Variants in LAPTM4B observed in about 807,000 individuals in gnomAD.
LAPTM4B encodes the protein lysosomal-associated transmembrane protein 4B.
A neutral mutation model predicts 28.5 loss-of-function variants in LAPTM4B; 26 were observed. That is an observed-to-expected ratio of 0.91 (90% CI 0.67 to 1.27). LAPTM4B has a LOEUF of 1.27. LAPTM4B is among the 50% of genes most tolerant of loss of function. The pLI is 0.00. For missense variants in LAPTM4B, 288 were observed against 285.8 expected (o/e 1.01, Z -0.06); for synonymous variants, 109 against 106.4 (o/e 1.02, Z -0.15).
chr8:97,809,975 G>A (rs1414112643), intron 2 of LAPTM4B, among the ~76,000 whole-genome samples: 2 of 152,126 alleles, frequency 1.3e-5, no homozygotes, highest in Non-Finnish European at 2.9e-5. Context: ...CACCAGGCTG[G>A]AGTGCAGTGT....
In LAPTM4B at chr8:97,787,759, G is replaced by T. The variant is rs371847786; in HGVS notation, c.99+11651G>T. Reference sequence around the variant, plus strand: ...AATTAATGTTTGTTTAGAATTACCCGCATGTTTGCATCCCTCTTTCTCCAT... The same window carrying T: ...AATTAATGTTTGTTTAGAATTACCCTCATGTTTGCATCCCTCTTTCTCCAT... On this transcript the variant is annotated intron_variant, in intron 1 of 6. Transcript: ENST00000521545. Among the ~76,000 whole-genome samples, 11 of 151,934 alleles carry T rather than the reference G, an allele frequency of 7.2e-5. 1 individual carries two copies. Among genetic ancestry groups the T allele is most frequent in the South Asian group, 4.2e-4 (2 of 4,756 alleles).
chr8:97,776,047 A>G lies in LAPTM4B; in HGVS notation c.38A>G (p.Asn13Ser), dbSNP rs374973028. 5.4e-4 allele frequency: 860 copies of G among 1,587,682 alleles called. No individual in the cohort carries two copies. Among genetic ancestry groups the G allele is most frequent in the Admixed American group, 8.5e-4 (50 of 58,496 alleles). Residue 13 changes from asparagine (N) to serine (S), a missense_variant, in exon 1 of 7, where the codon AAC (asparagine) becomes AGC (serine). Asn to Ser is a conservative substitution (Grantham distance 46, BLOSUM62 1). Coordinates refer to ENST00000521545, the MANE Select transcript of LAPTM4B (RefSeq NM_018407.6). ...MVAPWTRFYS[N>S]SCCLCCHVRT... ...GCGCCCTGGACGCGGTTCTACTCCA[A>G]CAGCTGCTGCTTGTGCTGCCATGTC...
intron 6 of LAPTM4B, among the ~76,000 whole-genome samples, chr8:97,834,197 G>A (rs575008711): frequency 6.8e-6 from 1 of 146,862 alleles, no homozygotes; most frequent in East Asian, 2.0e-4. Flanking sequence ...CTACTTGGGA[G>A]GCTGAGGTGG....
rs1260883967 is a variant in LAPTM4B at position 97,852,433 on chromosome 8, A to C, written c.*959A>C. 1.3e-5 allele frequency: 2 copies of C among 152,232 alleles called. No homozygotes were observed. The highest frequency in any genetic ancestry group is 2.9e-5 in the Non-Finnish European group (2 of 68,062). The allele number at this position is 152,232 out of a possible 1,614,324, so 9.4% of individuals were successfully genotyped here. A position where few individuals can be genotyped will look rare whatever the true frequency, so the allele number is the denominator to read the frequency against. ...TTTTAAAATGTAAACATTTTCAGAA[A>C]AATGAGGATTGCCTTCCTTGTATGC... On this transcript the variant is annotated 3_prime_UTR_variant, in exon 7 of 7. Transcript: ENST00000521545.
intron 1 of LAPTM4B, chr8:97,788,481 T>C: frequency 5.4e-6 from 1 of 185,128 alleles, no homozygotes; most frequent in Non-Finnish European, 1.1e-5. Context: ...ACTCCTGACC[T>C]CAAGTGATCA....
intron 1 of LAPTM4B, among the ~76,000 whole-genome samples, chr8:97,803,401 C>G (rs1461651357): frequency 6.6e-6 from 1 of 151,758 alleles, no homozygotes; most frequent in African/African-American, 2.4e-5. Flanking sequence ...GCCTCAGCCT[C>G]CTGAATAGCT....
rs6996475 is a variant in LAPTM4B, at chr8:97,799,584, C to T, written c.100-5769C>T. Among the ~76,000 whole-genome samples, 929 of 152,268 alleles carry T rather than the reference C, an allele frequency of 6.1e-3. 7 individuals carry two copies. The highest frequency in any genetic ancestry group is 0.021 in the African/African-American group (875 of 41,556). ...ATGTTGAGGCCCTATTGTGCAGGAG[C>T]TCAATCTGCAACAATGGCCGCCTAT... On this transcript the variant is annotated intron_variant, in intron 1 of 6. Coordinates refer to ENST00000521545, the MANE Select transcript of LAPTM4B (RefSeq NM_018407.6).
At chr8:97,778,720 C>T (rs1411464972) in intron 1 of LAPTM4B, among the ~76,000 whole-genome samples, 1 of 151,984 alleles carries the variant, frequency 6.6e-6, no homozygotes, top group Admixed American at 6.6e-5. Context: ...TTTTTGCCTA[C>T]TTTGTTTTAA....
chr8:97,834,914 C>T (rs369122525), intron 6 of LAPTM4B, among the ~76,000 whole-genome samples: 2 of 152,166 alleles, frequency 1.3e-5, no homozygotes, highest in African/African-American at 2.4e-5. Context: ...GTTTTGGTTT[C>T]GGCTTTTTAA....
chr8:97,803,885 T>G (rs1353865804), intron 1 of LAPTM4B, among the ~76,000 whole-genome samples: 1 of 151,908 alleles, frequency 6.6e-6, no homozygotes, highest in Non-Finnish European at 1.5e-5. Flanking sequence ...TCAACTGATC[T>G]TCCCACCTCA....
At chr8:97,786,829 G>T (rs1816410714) in intron 1 of LAPTM4B, among the ~76,000 whole-genome samples, 1 of 152,128 alleles carries the variant, frequency 6.6e-6, no homozygotes, top group African/African-American at 2.4e-5. Flanking sequence ...TTGACTAACA[G>T]TAGTGGGCCT....
chr8:97,807,493 A>C (rs1342856298), intron 2 of LAPTM4B, among the ~76,000 whole-genome samples: 1 of 152,210 alleles, frequency 6.6e-6, no homozygotes, highest in Non-Finnish European at 1.5e-5. Flanking sequence ...GCCCATAGGA[A>C]GTGCTCAGTA....
At chr8:97,849,816 C>T (rs1031634044) in intron 6 of LAPTM4B, among the ~76,000 whole-genome samples, 1 of 151,518 alleles carries the variant, frequency 6.6e-6, no homozygotes, top group Non-Finnish European at 1.5e-5. Flanking sequence ...ACCCCCCTGC[C>T]CGCCTGCCCG....
Position 97,782,211 on chromosome 8 carries a change from C to T in LAPTM4B, c.99+6103C>T, listed in dbSNP as rs147913769. On this transcript the variant is annotated intron_variant, in intron 1 of 6. Coordinates refer to ENST00000521545, the MANE Select transcript of LAPTM4B (RefSeq NM_018407.6). ...GGTCAGGCTGGTCTCGAACTCCCGA[C>T]CTCTGGTGATCTGCTCCCCTCAGCC... Among the ~76,000 whole-genome samples the T allele has an allele frequency of 2.8e-3, 414 of 150,062 alleles. 4 individuals carry two copies. Among genetic ancestry groups the T allele is most frequent in the African/African-American group, 9.6e-3 (389 of 40,718 alleles).
intron 1 of LAPTM4B, among the ~76,000 whole-genome samples, chr8:97,797,099 A>G (rs77419475): frequency 0.01 from 1,569 of 151,948 alleles, 15 homozygotes; most frequent in Non-Finnish European, 0.015. Flanking sequence ...CCTGTCTCAA[A>G]TAAAAAACTA....
At chr8:97,835,168 T>C (rs965208911) in intron 6 of LAPTM4B, among the ~76,000 whole-genome samples, 1 of 152,232 alleles carries the variant, frequency 6.6e-6, no homozygotes, top group Non-Finnish European at 1.5e-5. Flanking sequence ...TAACATGTCA[T>C]GTCTTGCTTT....
intron 2 of LAPTM4B, 47 bp from the exon 3 acceptor site, chr8:97,815,281 A>G: frequency 7.1e-7 from 1 of 1,414,362 alleles, no homozygotes; most frequent in Non-Finnish European, 1.0e-6. Context: ...CAGTGGATCC[A>G]CTACTGATTG....
At chr8:97,794,875 G>A (rs943123322) in intron 1 of LAPTM4B, among the ~76,000 whole-genome samples, 13 of 151,870 alleles carry the variant, frequency 8.6e-5, no homozygotes, top group African/African-American at 2.9e-4. Flanking sequence ...CACCATGCCC[G>A]GCTAATTTTT....
intron 1 of LAPTM4B, among the ~76,000 whole-genome samples, chr8:97,793,356 G>GA (rs34582050): frequency 2.7e-5 from 4 of 150,022 alleles, no homozygotes; most frequent in South Asian, 2.1e-4. Context: ...TTTCTGTTCA[G>GA]AAAAAAAAAG....
Sources: allele counts gnomAD v4.1 joint callset (sites outside exome capture counted in the v4.1 genomes callset), GRCh38; gene constraint gnomAD v4.1.1; transcripts MANE v1.5; gene names NCBI Gene and HGNC (gene_info 2026-07-23, HGNC 2026-07-21).